HTR1F: variants seen among roughly 807,000 people sequenced by gnomAD.
HTR1F encodes the protein 5-hydroxytryptamine receptor 1F.
Under a neutral mutation model 24.0 loss-of-function variants are expected in HTR1F, and 17 were observed. That is an observed-to-expected ratio of 0.71 (90% CI 0.48 to 1.06). HTR1F has a LOEUF of 1.06. Among genes scored for constraint, HTR1F ranks in the 50% least tolerant of loss-of-function variants. The pLI is 0.00. For missense variants in HTR1F, 391 were observed against 427.8 expected, an observed-to-expected ratio of 0.91 and a Z score of 0.76; for synonymous variants, 186 against 156.8, an observed-to-expected ratio of 1.19 and a Z score of -1.39.
chr3:87,865,886 T>C (rs1167811529), intron 2 of HTR1F, among the ~76,000 whole-genome samples: 1 of 152,150 alleles, frequency 6.6e-6, no homozygotes, highest in African/African-American at 2.4e-5. Context: ...TGCTGGCACA[T>C]GGGGCTTGCA....
At chr3:87,845,663 G>A (rs1202173846) in intron 2 of HTR1F, among the ~76,000 whole-genome samples, 4 of 151,504 alleles carry the variant, frequency 2.6e-5, no homozygotes, top group African/African-American at 9.8e-5. Context: ...ACTGCCCAAG[G>A]TAATTTACAG....
In HTR1F at chr3:87,991,759, A is replaced by T. The variant is rs766748036; in HGVS notation, c.1010A>T (p.Tyr337Phe). 6.2e-7 allele frequency: 1 copy of T among 1,613,460 alleles called. No individual in the cohort carries two copies. The highest frequency in any genetic ancestry group is 1.1e-5 in the South Asian group (1 of 91,022). The change falls in exon 3 of 3, where the codon TAT (tyrosine) becomes TTT (phenylalanine). Residue 337 changes from tyrosine to phenylalanine, a missense_variant. Transcript: ENST00000319595. ...TCCAATTTTTTGGCATGGCTTGGGT[A>T]TCTCAATTCCCTTATAAATCCACTG... is the stretch of plus-strand genomic sequence containing the variant. Reference protein sequence around the residue: ...EMSNFLAWLGYLNSLINPLIY... With the variant: ...EMSNFLAWLGFLNSLINPLIY...
At chr3:87,869,980 A>G (rs1448598843) in intron 2 of HTR1F, among the ~76,000 whole-genome samples, 3 of 152,132 alleles carry the variant, frequency 2.0e-5, no homozygotes, top group Non-Finnish European at 2.9e-5. Flanking sequence ...CTAACCTATC[A>G]TTAGTAAACT....
intron 2 of HTR1F, among the ~76,000 whole-genome samples, chr3:87,943,320 T>G (rs1242718451): frequency 1.4e-5 from 2 of 142,726 alleles, no homozygotes; most frequent in Non-Finnish European, 3.1e-5. Context: ...TATCTCTCCA[T>G]GTCAGATCAA....
intron 2 of HTR1F, among the ~76,000 whole-genome samples, chr3:87,981,470 C>T (rs1210456314): frequency 1.3e-5 from 2 of 152,218 alleles, no homozygotes; most frequent in Non-Finnish European, 2.9e-5. Context: ...GCTAGGATTA[C>T]AGGTGTGAGC....
chr3:87,956,611 C>A (rs894548100), intron 2 of HTR1F, among the ~76,000 whole-genome samples: 5 of 151,278 alleles, frequency 3.3e-5, no homozygotes, highest in African/African-American at 1.2e-4. Flanking sequence ...TATACTGAAT[C>A]TTTAAATATA....
At chr3:87,928,165 C>A (rs968849873) in intron 2 of HTR1F, among the ~76,000 whole-genome samples, 10 of 151,682 alleles carry the variant, frequency 6.6e-5, no homozygotes, top group African/African-American at 2.2e-4. Flanking sequence ...CATGCCTCAA[C>A]CTCCGAAGTA....
intron 2 of HTR1F, among the ~76,000 whole-genome samples, chr3:87,853,944 T>G (rs1372010944): frequency 1.3e-5 from 2 of 152,104 alleles, no homozygotes. Context: ...TTTAAGTTAC[T>G]TTTAGATGCT....
At position 87,806,583 on chromosome 3, in the gene HTR1F, T is replaced by C. The variant is rs142332651; in HGVS notation, c.-160+13741T>C. ...CCTTGTCAGATGAATAGTTTGCAAATATTTTCTCCTATTCAACAGGTTGTC... is the reference window on the plus strand; with the variant it reads ...CCTTGTCAGATGAATAGTTTGCAAACATTTTCTCCTATTCAACAGGTTGTC... On this transcript the variant is annotated intron_variant, in intron 1 of 2. Transcript: ENST00000319595. 2.8e-3 allele frequency among the ~76,000 whole-genome samples: 420 copies of C among 152,154 alleles called. 4 individuals carry two copies. Among genetic ancestry groups the C allele is most frequent in the African/African-American group, 9.4e-3 (390 of 41,556 alleles).
At chr3:87,979,926 C>G (rs1315110838) in intron 2 of HTR1F, among the ~76,000 whole-genome samples, 2 of 152,198 alleles carry the variant, frequency 1.3e-5, no homozygotes, top group Non-Finnish European at 2.9e-5. Flanking sequence ...GCAGTAGCAC[C>G]TGGAAGCATG....
intron 2 of HTR1F, among the ~76,000 whole-genome samples, chr3:87,865,356 G>C (rs1158146186): frequency 6.6e-6 from 1 of 151,888 alleles, no homozygotes; most frequent in African/African-American, 2.4e-5. Flanking sequence ...GATAACAAGT[G>C]TACCACTTGA....
chr3:87,796,133 A>G (rs1304489641), intron 1 of HTR1F, among the ~76,000 whole-genome samples: 1 of 152,216 alleles, frequency 6.6e-6, no homozygotes, highest in East Asian at 1.9e-4. Context: ...AGTGTTTGCC[A>G]GCCTAGTCTT....
intron 2 of HTR1F, among the ~76,000 whole-genome samples, chr3:87,869,395 A>AGAT (rs1491284105): frequency 6.2e-5 from 4 of 64,054 alleles, no homozygotes; most frequent in Admixed American, 1.5e-4. Context: ...ACAAACAGAT[A>AGAT]GATAGATAGA....
intron 2 of HTR1F, among the ~76,000 whole-genome samples, chr3:87,823,056 G>C (rs1357511208): frequency 1.3e-5 from 2 of 152,060 alleles, no homozygotes; most frequent in African/African-American, 4.8e-5. Context: ...GAAGATTAAT[G>C]CAACCATAGG....
At chr3:87,882,598 A>G (rs1003016593) in intron 2 of HTR1F, among the ~76,000 whole-genome samples, 1 of 151,676 alleles carries the variant, frequency 6.6e-6, no homozygotes, top group African/African-American at 2.4e-5. Context: ...TCAGTAAACT[A>G]TCAAGAACAA....
chr3:87,858,072 A>G (rs1705237100), intron 2 of HTR1F, among the ~76,000 whole-genome samples: 1 of 152,170 alleles, frequency 6.6e-6, no homozygotes. Flanking sequence ...AAAGCGAATT[A>G]TAATCTATTC....
At chr3:87,844,578 G>A (rs1364597307) in intron 2 of HTR1F, among the ~76,000 whole-genome samples, 1 of 125,574 alleles carries the variant, frequency 8.0e-6, no homozygotes, top group East Asian at 2.2e-4. Context: ...ATTGCTTTTG[G>A]TGTTTTAGAC....
chr3:87,850,527 C>G (rs960900752), intron 2 of HTR1F, among the ~76,000 whole-genome samples: 1 of 151,704 alleles, frequency 6.6e-6, no homozygotes, highest in Non-Finnish European at 1.5e-5. Flanking sequence ...TTAATGGGTG[C>G]AGCACACCAA....
intron 2 of HTR1F, among the ~76,000 whole-genome samples, chr3:87,903,458 G>C (rs1421824662): frequency 6.6e-6 from 1 of 151,824 alleles, no homozygotes; most frequent in Non-Finnish European, 1.5e-5. Flanking sequence ...TCAAAAAGTG[G>C]GCAAAGGACA....
Sources: gnomAD v4.1 joint callset for allele counts (sites outside exome capture counted in the v4.1 genomes callset) on GRCh38, gnomAD v4.1.1 for gene constraint, MANE v1.5 for transcripts, NCBI Gene and HGNC (gene_info 2026-07-23, HGNC 2026-07-21) for gene names.